Variants in SGCD observed in about 807,000 individuals in gnomAD.
SGCD encodes delta-sarcoglycan.
In SGCD, 18 loss-of-function variants were observed where a neutral mutation model predicts 36.6. The ratio of observed to expected loss-of-function variants is 0.49; its 90% CI spans 0.34 to 0.73. The LOEUF is 0.73. Among genes scored for constraint, SGCD ranks in the 30% least tolerant of loss-of-function variants. The pLI, the probability that SGCD is intolerant of heterozygous loss-of-function variation, is 0.01. For synonymous variants in SGCD, 133 were observed against 130.6 expected (o/e 1.02, Z -0.12); for missense variants, 387 against 346.7 (o/e 1.12, Z -0.92).
chr5:156,701,489 T>C (rs1271332974), intron 7 of SGCD, among the ~76,000 whole-genome samples: 2 of 152,210 alleles, frequency 1.3e-5, no homozygotes, highest in East Asian at 3.8e-4. Context: ...TGACTGTTTA[T>C]GCTTTTTGTG....
the SGCD span, among the ~76,000 whole-genome samples, chr5:155,818,447 G>A: frequency 5.9e-5 from 9 of 152,262 alleles, no homozygotes; most frequent in East Asian, 3.9e-4. Flanking sequence ...TGAAATCATC[G>A]TAGGAGAGGA....
chr5:155,912,717 A>C (rs1178343791), intron 1 of SGCD, among the ~76,000 whole-genome samples: 1 of 152,110 alleles, frequency 6.6e-6, no homozygotes, highest in Non-Finnish European at 1.5e-5. Context: ...AATTCATTTT[A>C]GTCTTGGCTG....
At chr5:156,719,375 T>TTA (rs149131739) in intron 7 of SGCD, among the ~76,000 whole-genome samples, 15,084 of 150,428 alleles carry the variant, frequency 0.1, 825 homozygotes, top group African/African-American at 0.15. Context: ...TCATCATATA[T>TTA]TATAGATATA....
chr5:156,624,021 G>T (rs991609421), intron 6 of SGCD, among the ~76,000 whole-genome samples: 6 of 152,154 alleles, frequency 3.9e-5, no homozygotes, highest in African/African-American at 1.2e-4. Context: ...AAAGGGTCCA[G>T]GGCCTTGGTC....
chr5:155,944,556 C>T (rs1196782963), intron 1 of SGCD, among the ~76,000 whole-genome samples: 1 of 152,156 alleles, frequency 6.6e-6, no homozygotes, highest in East Asian at 1.9e-4. Flanking sequence ...CAGAACACAA[C>T]ATTTTAATTA....
the SGCD span, among the ~76,000 whole-genome samples, chr5:155,748,475 A>C: frequency 1.3e-5 from 2 of 152,112 alleles, no homozygotes; most frequent in African/African-American, 2.4e-5. Flanking sequence ...ATTTTAGCAC[A>C]CATCAGAATC....
chr5:155,978,244 A>G (rs572701821), intron 1 of SGCD, among the ~76,000 whole-genome samples: 3 of 152,380 alleles, frequency 2.0e-5, no homozygotes, highest in South Asian at 4.1e-4. Context: ...TTTATTTTAC[A>G]TAATCATCAC....
the SGCD span, among the ~76,000 whole-genome samples, chr5:155,737,076 C>G: frequency 1.1e-4 from 17 of 152,312 alleles, no homozygotes; most frequent in East Asian, 3.3e-3. Flanking sequence ...CCTCACTGCT[C>G]TAAATGGCAG....
At chr5:155,920,496 G>A (rs1456194625) in intron 1 of SGCD, among the ~76,000 whole-genome samples, 1 of 152,124 alleles carries the variant, frequency 6.6e-6, no homozygotes. Flanking sequence ...GAATGTGGAA[G>A]ATTTATTAGG....
At chr5:155,870,451 A>G (rs926802839) in intron 1 of SGCD, 3 of 152,130 alleles carry the variant, frequency 2.0e-5, no homozygotes, top group African/African-American at 7.2e-5. Flanking sequence ...TACTTACATT[A>G]TTTACTGTTG....
chr5:156,410,431 C>T (rs1490862680), intron 3 of SGCD, among the ~76,000 whole-genome samples: 3 of 152,176 alleles, frequency 2.0e-5, no homozygotes, highest in South Asian at 2.1e-4. Context: ...TGCTCACTAC[C>T]TGGGTGATGG....
chr5:156,268,917 A>G (rs1220740028), intron 3 of SGCD, among the ~76,000 whole-genome samples: 1 of 151,992 alleles, frequency 6.6e-6, no homozygotes, highest in Non-Finnish European at 1.5e-5. Flanking sequence ...TCTAATGATC[A>G]GTGATGTTGA....
intron 3 of SGCD, among the ~76,000 whole-genome samples, chr5:156,226,928 C>G (rs1017557993): frequency 1.4e-4 from 22 of 151,922 alleles, no homozygotes; most frequent in African/African-American, 5.1e-4. Flanking sequence ...TCCTTAAGCC[C>G]ACTTTTTGAT....
intron 3 of SGCD, among the ~76,000 whole-genome samples, chr5:156,369,430 G>C (rs1177294726): frequency 6.6e-6 from 1 of 152,112 alleles, no homozygotes; most frequent in Non-Finnish European, 1.5e-5. Context: ...CCAAAGTCTT[G>C]GATTAGATTG....
chr5:156,647,559 C>T (rs376209679), intron 7 of SGCD, 23 bp downstream of exon 7: 153 of 1,490,382 alleles, frequency 1.0e-4, no homozygotes, highest in Non-Finnish European at 1.4e-4. Context: ...CTTTGGTTTG[C>T]ATTGATTAAT....
At chr5:155,774,978 T>C in the SGCD span, among the ~76,000 whole-genome samples, 41,953 of 151,996 alleles carry the variant, frequency 0.28, 7,390 homozygotes, top group East Asian at 0.44. Context: ...AAGTTTTGTG[T>C]ACTTTTTGTC....
At chr5:156,114,582 G>T (rs911301533) in intron 1 of SGCD, among the ~76,000 whole-genome samples, 1 of 152,006 alleles carries the variant, frequency 6.6e-6, no homozygotes, top group Non-Finnish European at 1.5e-5. Flanking sequence ...GGTCAGAAAG[G>T]CTTTGCATAA....
chr5:155,950,282 C>A (rs1435527631), intron 1 of SGCD, among the ~76,000 whole-genome samples: 1 of 152,140 alleles, frequency 6.6e-6, no homozygotes, highest in Non-Finnish European at 1.5e-5. Context: ...TCTCTCCAGA[C>A]CTTCTGCTTC....
chr5:156,543,990 G>A (rs1758457265), intron 4 of SGCD, among the ~76,000 whole-genome samples: 1 of 152,200 alleles, frequency 6.6e-6, no homozygotes, highest in African/African-American at 2.4e-5. Flanking sequence ...AGAGAGCTCA[G>A]TTGGGTGTAT....
Sources: gnomAD v4.1 joint callset for allele counts (sites outside exome capture counted in the v4.1 genomes callset) on GRCh38, gnomAD v4.1.1 for gene constraint, MANE v1.5 for transcripts, NCBI Gene and HGNC (gene_info 2026-07-23, HGNC 2026-07-21) for gene names.